ACSS3: variants seen among roughly 807,000 people sequenced by gnomAD.
ACSS3 encodes the protein acyl-CoA synthetase short-chain family member 3, mitochondrial.
ACSS3 carries 64 observed loss-of-function variants against 84.2 expected under a neutral mutation model. The observed-to-expected ratio is 0.76, with a 90% CI of 0.62 to 0.94. The LOEUF (loss-of-function observed/expected upper bound fraction) is 0.94. Ranked by LOEUF, ACSS3 falls within the 40% of genes least tolerant of loss-of-function variation. The pLI is 0.00. For synonymous variants in ACSS3, 317 were observed against 310.1 expected, an observed-to-expected ratio of 1.02 and a Z score of -0.23; for missense variants, 815 against 867.6, an observed-to-expected ratio of 0.94 and a Z score of 0.76.
chr12:81,146,923 A>G (rs1285183827), intron 5 of ACSS3, among the ~76,000 whole-genome samples: 1 of 152,170 alleles, frequency 6.6e-6, no homozygotes, highest in Non-Finnish European at 1.5e-5. Flanking sequence ...TCAAAAGGAA[A>G]AGATTGAAAA....
intron 15 of ACSS3, 65 bp downstream of exon 15, chr12:81,253,735 C>A: frequency 3.3e-6 from 5 of 1,519,112 alleles, no homozygotes; most frequent in Non-Finnish European, 3.6e-6. Flanking sequence ...TTGGCATCAG[C>A]AAAGCTCTTA....
chr12:81,220,154 G>T, intron 11 of ACSS3, 78 bp downstream of exon 11: 2 of 771,318 alleles, frequency 2.6e-6, no homozygotes. Context: ...GGTCATTGCA[G>T]TGTTACTGCT....
At chr12:81,235,366 A>G (rs1007064080) in intron 13 of ACSS3, among the ~76,000 whole-genome samples, 1 of 151,262 alleles carries the variant, frequency 6.6e-6, no homozygotes, top group Non-Finnish European at 1.5e-5. Context: ...TTTTATGAAT[A>G]TACTGCCTTG....
At chr12:81,216,433 T>A (rs934931728) in intron 9 of ACSS3, among the ~76,000 whole-genome samples, 6 of 152,186 alleles carry the variant, frequency 3.9e-5, no homozygotes, top group Non-Finnish European at 7.3e-5. Flanking sequence ...CAAAAATCTT[T>A]GGGTTACTTA....
At position 81,191,024 on chromosome 12, in the gene ACSS3, G is replaced by A. The variant is rs1279571145; in HGVS notation, c.1251-8317G>A. Among the ~76,000 whole-genome samples the A allele has an allele frequency of 4.6e-5, 7 of 151,232 alleles. No individual in the cohort carries two copies. In the South Asian group the frequency reaches 1.3e-3, roughly 27 times the overall value. On this transcript the variant is annotated intron_variant, in intron 8 of 15. Transcript: ENST00000548058. ...TTTGTTGAAGATTTTTTTTTTGGTA[G>A]ACCTTGTTTTTAGAGCAATTTTAGA...
At chr12:81,218,116 T>C (rs994449470) in intron 10 of ACSS3, among the ~76,000 whole-genome samples, 1 of 152,176 alleles carries the variant, frequency 6.6e-6, no homozygotes, top group African/African-American at 2.4e-5. Context: ...GGCTTCTGTT[T>C]TGTGATGTTA....
intron 5 of ACSS3, among the ~76,000 whole-genome samples, chr12:81,146,958 A>G (rs1886370572): frequency 6.6e-6 from 1 of 152,156 alleles, no homozygotes; most frequent in African/African-American, 2.4e-5. Context: ...AAAGTGGTAG[A>G]TAAGGCCTTT....
chr12:81,133,827 G>A (rs993120237), intron 2 of ACSS3, among the ~76,000 whole-genome samples: 15 of 151,910 alleles, frequency 9.9e-5, no homozygotes, highest in African/African-American at 3.6e-4. Context: ...CTTATCTGAT[G>A]TATCTGAAAA....
chr12:81,136,065 GGACATATAACTA>G (rs1885783518), intron 3 of ACSS3, among the ~76,000 whole-genome samples: 1 of 152,010 alleles, frequency 6.6e-6, no homozygotes, highest in South Asian at 2.1e-4. Context: ...CAAATGGATG[GGACATATAACTA>G]GTTTTACAAT....
intron 7 of ACSS3, among the ~76,000 whole-genome samples, chr12:81,152,421 A>G (rs142084705): frequency 1.3e-5 from 2 of 152,266 alleles, no homozygotes; most frequent in African/African-American, 4.8e-5. Context: ...AAAACAAGCA[A>G]TGTAGATTCA....
At chr12:81,160,984 C>T (rs878988617) in intron 7 of ACSS3, among the ~76,000 whole-genome samples, 7 of 152,056 alleles carry the variant, frequency 4.6e-5, no homozygotes, top group East Asian at 1.9e-4. Context: ...ATAATTCCCA[C>T]GATATAATAG....
intron 12 of ACSS3, among the ~76,000 whole-genome samples, chr12:81,232,490 A>C (rs535369994): frequency 2.6e-5 from 4 of 151,896 alleles, no homozygotes; most frequent in African/African-American, 9.6e-5. Context: ...TCATACTCTT[A>C]ACTACTACTC....
intron 11 of ACSS3, among the ~76,000 whole-genome samples, chr12:81,220,407 G>A (rs2033064956): frequency 1.3e-5 from 2 of 151,840 alleles, no homozygotes; most frequent in African/African-American, 4.8e-5. Flanking sequence ...TCACCTCTCA[G>A]CAATTACATC....
chr12:81,164,513 T>C (rs1193303484), intron 7 of ACSS3, among the ~76,000 whole-genome samples: 2 of 152,212 alleles, frequency 1.3e-5, no homozygotes, highest in Admixed American at 6.5e-5. Flanking sequence ...CATTTCCAAA[T>C]ATGCAAGTCT....
intron 13 of ACSS3, among the ~76,000 whole-genome samples, chr12:81,248,551 A>G (rs2034054663): frequency 6.6e-6 from 1 of 151,994 alleles, no homozygotes; most frequent in South Asian, 2.1e-4. Context: ...TGAGAAGGGT[A>G]TGTGTGTGTC....
chr12:81,207,272 C>T lies in ACSS3; in HGVS notation c.1354+7828C>T, dbSNP rs1424623367. On this transcript the variant is annotated intron_variant, in intron 9 of 15. Transcript: ENST00000548058. ...TTTGATTCCCCCTGATACACGTAAACCCCTGCACTGGGCCTACTGCCCCCA... is the reference window on the plus strand; with the variant it reads ...TTTGATTCCCCCTGATACACGTAAATCCCTGCACTGGGCCTACTGCCCCCA... Among the ~76,000 whole-genome samples the T allele has an allele frequency of 5.3e-5, 8 of 152,246 alleles. No homozygotes were observed. In the East Asian group the frequency reaches 1.5e-3, roughly 29 times the overall value.
At chr12:81,170,741 A>C (rs2029972674) in intron 7 of ACSS3, among the ~76,000 whole-genome samples, 1 of 152,124 alleles carries the variant, frequency 6.6e-6, no homozygotes, top group African/African-American at 2.4e-5. Context: ...TTTCCCCTTA[A>C]TGAAAACCAA....
chr12:81,202,388 A>T (rs2032151256), intron 9 of ACSS3, among the ~76,000 whole-genome samples: 1 of 152,172 alleles, frequency 6.6e-6, no homozygotes, highest in African/African-American at 2.4e-5. Flanking sequence ...AAGGGCAAGT[A>T]TGTTATGAGT....
At chr12:81,244,315 AT>A (rs1326279776) in intron 13 of ACSS3, among the ~76,000 whole-genome samples, 1 of 151,830 alleles carries the variant, frequency 6.6e-6, no homozygotes, top group Non-Finnish European at 1.5e-5. Flanking sequence ...ATTGTTTGAA[AT>A]TTGAGTATGA....
Sources: gnomAD v4.1 joint callset for allele counts (sites outside exome capture counted in the v4.1 genomes callset) on GRCh38, gnomAD v4.1.1 for gene constraint, MANE v1.5 for transcripts, NCBI Gene and HGNC (gene_info 2026-07-23, HGNC 2026-07-21) for gene names.